Variants in TSFM observed in about 807,000 individuals in gnomAD.
TSFM encodes the protein elongation factor Ts, mitochondrial.
TSFM carries 29 observed loss-of-function variants against 33.4 expected under a neutral mutation model. The ratio of observed to expected loss-of-function variants is 0.87; its 90% confidence interval spans 0.65 to 1.18. The LOEUF (loss-of-function observed/expected upper bound fraction) is 1.18. Among genes scored for constraint, TSFM ranks in the 50% most tolerant of loss-of-function variants. TSFM has a pLI of 0.00. For missense variants in TSFM, 394 were observed against 395.6 expected (o/e 1.00, Z 0.04); for synonymous variants, 178 against 163.5 (o/e 1.09, Z -0.68).
At chr12:57,794,653 T>C (rs1955706590) in intron 5 of TSFM, among the ~76,000 whole-genome samples, 1 of 152,258 alleles carries the variant, frequency 6.6e-6, no homozygotes, top group Admixed American at 6.5e-5. Flanking sequence ...TAATTCTAAC[T>C]CTGCCTTGTG....
intron 4 of TSFM, chr12:57,792,168 C>G (rs12319737): frequency 6.4e-6 from 1 of 156,462 alleles, no homozygotes; most frequent in Non-Finnish European, 1.4e-5. Flanking sequence ...CGCTTGAACC[C>G]GGGAGGTGGA....
At position 57,793,090 on chromosome 12, in the gene TSFM, G is replaced by T; in HGVS notation, c.571+17G>T. Reference sequence around the variant, plus strand: ...TAGCAATTGGTGAGTATTTGTAAAGGTTCTGGAAACTGGAAATTAGGGACT... The same window carrying T: ...TAGCAATTGGTGAGTATTTGTAAAGTTTCTGGAAACTGGAAATTAGGGACT... On this transcript the variant is annotated intron_variant, in intron 5 of 5. Transcript: ENST00000652027. 1 of 1,606,390 alleles carries T rather than the reference G, an allele frequency of 6.2e-7. No individual in the cohort carries two copies. The highest frequency in any genetic ancestry group is 8.5e-7 in the Non-Finnish European group (1 of 1,175,310).
downstream of TSFM, among the ~76,000 whole-genome samples, chr12:57,798,396 T>G (rs1006944269): frequency 6.6e-6 from 1 of 152,198 alleles, no homozygotes; most frequent in East Asian, 1.9e-4. Flanking sequence ...AAATGCATGA[T>G]CGGGTGGATC....
At chr12:57,794,038 G>T (rs1168564526) in intron 5 of TSFM, among the ~76,000 whole-genome samples, 1 of 152,216 alleles carries the variant, frequency 6.6e-6, no homozygotes, top group African/African-American at 2.4e-5. Context: ...GTTGGAGCTT[G>T]CTGGGAATTT....
chr12:57,786,425 A>G (rs1955592013), intron 3 of TSFM, 134 bp downstream of exon 3: 2 of 1,139,768 alleles, frequency 1.8e-6, no homozygotes, highest in South Asian at 2.0e-5. Flanking sequence ...AGTTAAACTC[A>G]TGAAACCCTG....
chr12:57,802,160 A>G (rs776231516), downstream of TSFM: 8 of 1,613,624 alleles, frequency 5.0e-6, no homozygotes, highest in Admixed American at 1.7e-5. Flanking sequence ...CTTTTCTTAC[A>G]CTCCAAATGT....
downstream of TSFM, chr12:57,797,822 C>A: frequency 7.8e-7 from 1 of 1,279,522 alleles, no homozygotes; most frequent in Non-Finnish European, 1.1e-6. Flanking sequence ...AAATTATTTC[C>A]TGATATTGGC....
chr12:57,802,224 T>C, downstream of TSFM: 1 of 1,614,122 alleles, frequency 6.2e-7, no homozygotes, highest in Non-Finnish European at 8.5e-7. Context: ...AAACCCCTGC[T>C]TAATGATCAG....
downstream of TSFM, chr12:57,801,421 C>T (rs1955845866): frequency 4.7e-6 from 2 of 427,174 alleles, no homozygotes; most frequent in African/African-American, 2.0e-5. Context: ...GGTAACCCCT[C>T]AGTCCTCCCA....
intron 4 of TSFM, among the ~76,000 whole-genome samples, chr12:57,791,577 C>G (rs561761378): frequency 6.6e-6 from 1 of 152,260 alleles, no homozygotes; most frequent in East Asian, 1.9e-4. Context: ...TTATAATCTG[C>G]TTTTTTCACT....
chr12:57,801,688 C>T (rs183531742), downstream of TSFM, among the ~76,000 whole-genome samples: 187 of 151,844 alleles, frequency 1.2e-3, no homozygotes, highest in Non-Finnish European at 1.9e-3. Flanking sequence ...TGCAGTGAGC[C>T]GAGATTGTGC....
intron 2 of TSFM, among the ~76,000 whole-genome samples, chr12:57,785,671 G>T (rs1374050175): frequency 1.3e-5 from 2 of 152,100 alleles, no homozygotes; most frequent in Non-Finnish European, 2.9e-5. Flanking sequence ...TAACATAGTT[G>T]TTCATTATTG....
In TSFM at chr12:57,796,539, C is replaced by T. The variant is rs121909485; in HGVS notation, c.934C>T (p.Arg312Trp). 3.1e-5 allele frequency: 46 copies of T among 1,466,820 alleles called. No individual in the cohort carries two copies. The highest frequency in any genetic ancestry group is 3.7e-4 in the Middle Eastern group (2 of 5,456). The allele number at this position is 1,466,820 out of a possible 1,614,324, so 90.9% of individuals were successfully genotyped here. A position where few individuals can be genotyped will look rare whatever the true frequency, so the allele number is the denominator to read the frequency against. The change falls in exon 6 of 6, where the codon CGG (arginine) becomes TGG (tryptophan). Residue 312 changes from arginine to tryptophan, a missense_variant. Coordinates refer to ENST00000652027, the MANE Select transcript of TSFM (RefSeq NM_005726.6). ...PQGVSVVDFV[R>W]FECGEGEEAA... Reference sequence around the variant, plus strand: ...GGGGGTGTCGGTAGTAGACTTTGTGCGGTTTGAATGTGGAGAAGGTGAAGA... The same window carrying T: ...GGGGGTGTCGGTAGTAGACTTTGTGTGGTTTGAATGTGGAGAAGGTGAAGA...
chr12:57,784,261 A>T (rs577247110), intron 2 of TSFM: 1 of 629,356 alleles, frequency 1.6e-6, no homozygotes, highest in African/African-American at 1.8e-5. Flanking sequence ...CTTATCATGT[A>T]TGGAGCTTGC....
downstream of TSFM, among the ~76,000 whole-genome samples, chr12:57,798,248 T>C (rs1955775521): frequency 6.6e-6 from 1 of 152,230 alleles, no homozygotes; most frequent in Admixed American, 6.5e-5. Context: ...AGCGCCAGTT[T>C]CTTGCCAGAA....
In TSFM at chr12:57,796,577, T is replaced by G; in HGVS notation, c.972T>G (p.Thr324=). ...ECGEGEEAAE[T]E is the part of the protein sequence containing the mutation. Reference sequence around the variant, plus strand: ...GAGAAGGTGAAGAGGCAGCAGAAACTGAATAGGTTCCAGAGACTTTTGGCC... The same window carrying G: ...GAGAAGGTGAAGAGGCAGCAGAAACGGAATAGGTTCCAGAGACTTTTGGCC... Residue 324 remains threonine (T), a synonymous_variant, in exon 6 of 6, where the codon ACT becomes ACG. Transcript: ENST00000652027. 7.1e-7 allele frequency: 1 copy of G among 1,415,824 alleles called. No homozygotes were observed. The highest frequency in any genetic ancestry group is 9.3e-7 in the Non-Finnish European group (1 of 1,077,952). 87.7% of individuals were successfully genotyped at this position (1,415,824 alleles called of 1,614,324 possible). A position where few individuals can be genotyped will look rare whatever the true frequency, so the allele number is the denominator to read the frequency against.
At chr12:57,797,699 G>A (rs1477199926), downstream of TSFM, 18 of 719,410 alleles carry the variant, frequency 2.5e-5, no homozygotes, top group Non-Finnish European at 1.7e-5. Context: ...AACATTTTAG[G>A]TATATAACAA....
chr12:57,797,796 G>T (rs1325026238), downstream of TSFM: 3 of 1,074,800 alleles, frequency 2.8e-6, no homozygotes, highest in Non-Finnish European at 3.8e-6. Flanking sequence ...TGAATGTCAG[G>T]CAGAAATTGG....
rs746826775 is a variant in TSFM at position 57,783,200 on chromosome 12, C to G, written c.148C>G (p.Leu50Val). The G allele has an allele frequency of 1.2e-6, 2 of 1,613,800 alleles. No homozygotes were observed. The highest frequency in any genetic ancestry group is 1.7e-6 in the Non-Finnish European group (2 of 1,179,904). Residue 50 changes from leucine (L) to valine (V), a missense_variant, in exon 2 of 6, where the codon CTC (leucine) becomes GTC (valine). This residue lies in a region of TSFM where 208 missense variants were observed against 180.4 expected (regional missense o/e 1.15). Coordinates refer to ENST00000652027, the MANE Select transcript of TSFM (RefSeq NM_005726.6). The stretch of plus-strand genomic sequence containing the variant: ...TGCCTCGGCCTCCAGCAAGGAGCTC[C>G]TCATGAAGCTGCGGCGGAAAACAGG... ...LSASASSKEL[L>V]MKLRRKTGYS...
Sources: allele counts gnomAD v4.1 joint callset (sites outside exome capture counted in the v4.1 genomes callset), GRCh38; gene constraint gnomAD v4.1.1; regional missense constraint gnomAD v4.1.1; transcripts MANE v1.5; gene names NCBI Gene and HGNC (gene_info 2026-07-23, HGNC 2026-07-21).